The following SAMD13 variants were observed in gnomAD, a reference collection of about 807,000 sequenced individuals.
SAMD13 encodes the protein sterile alpha motif domain-containing protein 13.
In SAMD13, 9 loss-of-function variants were observed where a neutral mutation model predicts 12.4. The ratio of observed to expected loss-of-function variants is 0.72; its 90% CI spans 0.44 to 1.26. The LOEUF (loss-of-function observed/expected upper bound fraction) is 1.26, where lower values mean the gene tolerates loss of function less well. Among genes scored for constraint, SAMD13 ranks in the 50% most tolerant of loss-of-function variants. SAMD13 has a pLI of 0.00. For synonymous variants in SAMD13, 46 were observed against 45.4 expected (o/e 1.01, Z -0.05); for missense variants, 84 against 119.6 (o/e 0.70, Z 1.39).
At chr1:84,300,264 ATAT>A (rs1678425808), upstream of SAMD13, among the ~76,000 whole-genome samples, 1 of 152,240 alleles carries the variant, frequency 6.6e-6, no homozygotes, top group African/African-American at 2.4e-5. Flanking sequence ...CTGCTCAAAA[ATAT>A]TTAATTGGTT....
intron 2 of SAMD13, among the ~76,000 whole-genome samples, chr1:84,324,436 G>A (rs944819596): frequency 9.2e-5 from 14 of 152,142 alleles, no homozygotes; most frequent in Admixed American, 7.9e-4. Flanking sequence ...AAACTCCCAC[G>A]GGAAAGCTTC....
intron 3 of SAMD13, among the ~76,000 whole-genome samples, chr1:84,345,545 G>A (rs535251594): frequency 1.1e-3 from 168 of 152,248 alleles, no homozygotes; most frequent in Non-Finnish European, 2.1e-3. Flanking sequence ...GACAGTAGAG[G>A]CCACCACCAC....
At chr1:84,308,206 C>CTA (rs1301748017) in intron 2 of SAMD13, among the ~76,000 whole-genome samples, 1 of 152,068 alleles carries the variant, frequency 6.6e-6, no homozygotes, top group East Asian at 1.9e-4. Flanking sequence ...AAATATTGCC[C>CTA]CCATTACTCC....
intron 3 of SAMD13, among the ~76,000 whole-genome samples, chr1:84,330,936 A>C (rs1182426207): frequency 6.6e-6 from 1 of 152,116 alleles, no homozygotes; most frequent in Non-Finnish European, 1.5e-5. Flanking sequence ...TTACTCTCTT[A>C]TCTCTTCATT....
chr1:84,312,602 A>T (rs1260417164), intron 2 of SAMD13, among the ~76,000 whole-genome samples: 3 of 152,110 alleles, frequency 2.0e-5, no homozygotes, highest in African/African-American at 4.8e-5. Context: ...TCAATCTCTG[A>T]CACAAATCAA....
intron 2 of SAMD13, among the ~76,000 whole-genome samples, chr1:84,324,122 C>G (rs61671624): frequency 0.042 from 6,373 of 152,276 alleles, 166 homozygotes; most frequent in South Asian, 0.071. Context: ...ATACACCACC[C>G]TAGTCTACGC....
intron 3 of SAMD13, among the ~76,000 whole-genome samples, chr1:84,342,469 A>G (rs1396022401): frequency 1.3e-5 from 2 of 152,162 alleles, no homozygotes; most frequent in Non-Finnish European, 2.9e-5. Flanking sequence ...CTGTAAGGCC[A>G]CAGTAACCAA....
At position 84,331,328 on chromosome 1, in the gene SAMD13, TAAAAAAAA is replaced by T. The variant is rs1178046260; in HGVS notation, c.165+5603_165+5610del. ...ATGCAATTCTAACAGCCCTCCTTGG[TAAAAAAAA>T]AAAAAAAAAAAAAAAAAAAAAATTA... On this transcript the variant is annotated intron_variant, in intron 3 of 3. Coordinates refer to ENST00000394834, the MANE Select transcript of SAMD13 (RefSeq NM_001134663.2). 4.6e-4 allele frequency among the ~76,000 whole-genome samples: 7 copies of T among 15,180 alleles called. 1 individual carries two copies. The highest frequency in any genetic ancestry group is 1.7e-3 in the East Asian group (1 of 598). 10.0% of individuals were successfully genotyped at this position (15,180 alleles called of 152,430 possible). A position where few individuals can be genotyped will look rare whatever the true frequency, so the allele number is the denominator to read the frequency against.
In SAMD13 at chr1:84,344,986, T is replaced by C. The variant is rs192974188; in HGVS notation, c.166-4645T>C. 1,028 of 456,756 alleles carry C rather than the reference T, an allele frequency of 2.3e-3. 5 individuals are homozygous for C. The highest frequency in any genetic ancestry group is 3.5e-3 in the Admixed American group (150 of 42,580). The allele number at this position is 456,756 out of a possible 1,614,324, so 28.3% of individuals were successfully genotyped here. ...GGATTCTCAGGTGATGATTTTTCCC[T>C]TGGCCTTGTGGGTAAAGCCAGGAGA... On this transcript the variant is annotated intron_variant, in intron 3 of 3. Coordinates refer to ENST00000394834, the MANE Select transcript of SAMD13 (RefSeq NM_001134663.2).
intron 1 of SAMD13, 161 bp downstream of exon 1, chr1:84,301,962 C>A: frequency 6.0e-6 from 1 of 166,304 alleles, no homozygotes; most frequent in Non-Finnish European, 1.2e-5. Flanking sequence ...GAAGTGAAAT[C>A]ATATTCTGTT....
rs139742762 is a variant in SAMD13, at chr1:84,320,742, A to G, written c.54-4895A>G. Among the ~76,000 whole-genome samples the G allele has an allele frequency of 2.9e-3, 444 of 152,364 alleles. 1 individual carries two copies. Among genetic ancestry groups the G allele is most frequent in the Middle Eastern group, 6.8e-3 (2 of 294 alleles). ...GAGTGCACTGCTCAGTGTAAAAATA[A>G]GTAACAGAATTAGCCTTATAAAAAA... On this transcript the variant is annotated intron_variant, in intron 2 of 3. Coordinates refer to ENST00000394834, the MANE Select transcript of SAMD13 (RefSeq NM_001134663.2).
chr1:84,305,262 T>C (rs1342643860), intron 2 of SAMD13, among the ~76,000 whole-genome samples: 1 of 152,196 alleles, frequency 6.6e-6, no homozygotes. Context: ...TGACTAATGA[T>C]GTTGAGCATC....
At chr1:84,302,798 A>G in intron 1 of SAMD13, 3 of 435,366 alleles carry the variant, frequency 6.9e-6, no homozygotes, top group Non-Finnish European at 9.1e-6. Context: ...ACAATAAGAA[A>G]AAACAAATCA....
chr1:84,341,797 C>T (rs1270880358), intron 3 of SAMD13, among the ~76,000 whole-genome samples: 1 of 151,964 alleles, frequency 6.6e-6, no homozygotes, highest in Admixed American at 6.6e-5. Context: ...AGATAGGACT[C>T]TTTTGGTTGA....
rs555748073 is a variant in SAMD13, at chr1:84,330,776, C to T, written c.165+5028C>T. Among the ~76,000 whole-genome samples, 10 of 152,256 alleles carry T rather than the reference C, an allele frequency of 6.6e-5. No individual in the cohort carries two copies. The South Asian group carries it at 1.9e-3, about 28-fold the overall frequency. On this transcript the variant is annotated intron_variant, in intron 3 of 3. Transcript: ENST00000394834. Reference sequence around the variant, plus strand: ...GAATATATAAGAAGAAGATGGAAGACAGATCTGCCATTCAATCAATGTCAT... The same window carrying T: ...GAATATATAAGAAGAAGATGGAAGATAGATCTGCCATTCAATCAATGTCAT...
intron 3 of SAMD13, among the ~76,000 whole-genome samples, chr1:84,334,926 T>G (rs975652476): frequency 6.6e-6 from 1 of 152,150 alleles, no homozygotes; most frequent in African/African-American, 2.4e-5. Flanking sequence ...TTGGTATAAT[T>G]TCCCTTTTTT....
upstream of SAMD13, chr1:84,298,574 G>T: frequency 7.8e-7 from 1 of 1,284,014 alleles, no homozygotes; most frequent in Non-Finnish European, 9.9e-7. Context: ...GGAGGTAAGT[G>T]ATCTGCCTGT....
intron 2 of SAMD13, among the ~76,000 whole-genome samples, chr1:84,321,855 G>C (rs982713169): frequency 2.6e-5 from 4 of 152,128 alleles, no homozygotes; most frequent in African/African-American, 9.7e-5. Flanking sequence ...ATCATCACCA[G>C]CTTTCTCCTT....
At chr1:84,309,804 T>C (rs927789682) in intron 2 of SAMD13, among the ~76,000 whole-genome samples, 4 of 152,088 alleles carry the variant, frequency 2.6e-5, no homozygotes, top group African/African-American at 9.7e-5. Context: ...AATTAACATA[T>C]GAAGAGGTGT....
Sources: allele counts gnomAD v4.1 joint callset (sites outside exome capture counted in the v4.1 genomes callset), GRCh38; gene constraint gnomAD v4.1.1; transcripts MANE v1.5; gene names NCBI Gene and HGNC (gene_info 2026-07-23, HGNC 2026-07-21).